The following FUCA2 variants were observed in gnomAD, a reference collection of about 807,000 sequenced individuals.
The protein encoded by FUCA2 is plasma alpha-L-fucosidase.
Under a neutral mutation model 52.6 loss-of-function variants are expected in FUCA2, and 41 were observed. That is an observed-to-expected ratio of 0.78 (90% CI 0.61 to 1.01). FUCA2 has a LOEUF of 1.01. FUCA2 is among the 50% of genes least tolerant of loss of function. The pLI is 0.00. For missense variants in FUCA2, 507 were observed against 569.5 expected (o/e 0.89, Z 1.12); for synonymous variants, 211 against 217.3 (o/e 0.97, Z 0.26).
Position 143,507,622 on chromosome 6 carries a change from GAT to G in FUCA2, c.225-200_225-199del, listed in dbSNP as rs1452569804. The stretch of plus-strand genomic sequence containing the variant: ...TCTCATTTTCCACCTATCCCCCTGT[GAT>G]ATCCACTCAGCTCATAAACTAGAGC... On this transcript the variant is annotated intron_variant, in intron 1 of 6. Transcript: ENST00000002165. This position sits in a 1 kb window ranked among gnomAD's most constrained non-coding sequence, Gnocchi z 4.5. Among the ~76,000 whole-genome samples the G allele has an allele frequency of 1.3e-5, 2 of 151,684 alleles. No individual in the cohort carries two copies. The highest frequency in any genetic ancestry group is 4.8e-5 in the African/African-American group (2 of 41,250).
Position 143,511,439 on chromosome 6 carries a change from C to G in FUCA2, c.196G>C (p.Val66Leu), listed in dbSNP as rs1417834533. The G allele has an allele frequency of 1.2e-6, 2 of 1,611,794 alleles. No individual in the cohort carries two copies. The highest frequency in any genetic ancestry group is 1.7e-6 in the Non-Finnish European group (2 of 1,178,912). ...AACCACTCGCTACCGAAGCTGGGCACGGAAAACACTCCCCAGTGGATGAAG... is the reference window on the plus strand; with the variant it reads ...AACCACTCGCTACCGAAGCTGGGCAGGGAAAACACTCCCCAGTGGATGAAG... Reference protein sequence around the residue: ...GIFIHWGVFSVPSFGSEWFWW... With the variant: ...GIFIHWGVFSLPSFGSEWFWW... Residue 66 changes from valine (V) to leucine (L), a missense_variant, in exon 1 of 7, where the codon GTG becomes CTG. Coordinates refer to ENST00000002165, the MANE Select transcript of FUCA2 (RefSeq NM_032020.5). This position sits in a 1 kb window ranked among gnomAD's most constrained non-coding sequence, Gnocchi z 6.3.
Position 143,503,947 on chromosome 6 carries a change from T to C in FUCA2, c.718A>G (p.Ser240Gly), listed in dbSNP as rs749761750. 1 of 1,613,986 alleles carries C rather than the reference T, an allele frequency of 6.2e-7. No individual in the cohort carries two copies. Among genetic ancestry groups the C allele is most frequent in the African/African-American group, 1.3e-5 (1 of 74,920 alleles). ...DGGAPDQYWN[S>G]TGFLAWLYNE... is the part of the protein sequence containing the mutation. ...TATAACCAGGCCAAGAAGCCTGTGC[T>C]GTTCCAGTATTGATCCGGTGCTCCT... Residue 240 changes from serine (S) to glycine (G), a missense_variant, in exon 3 of 7, where the codon AGC (serine) becomes GGC (glycine). Coordinates refer to ENST00000002165, the MANE Select transcript of FUCA2 (RefSeq NM_032020.5). This position sits in a 1 kb window ranked among gnomAD's most constrained non-coding sequence, Gnocchi z 4.8.
rs559192941 is a variant in FUCA2, at chr6:143,510,288, G to A, written c.224+1123C>T. On this transcript the variant is annotated intron_variant, in intron 1 of 6. Transcript: ENST00000002165. The surrounding 1 kb of genome is among the most constrained non-coding windows in gnomAD (Gnocchi z 4.4). ...TCTACTAAATATAGTATGTTAATTTGGATGTATACTATTTATGTAGTATAT... is the reference window on the plus strand; with the variant it reads ...TCTACTAAATATAGTATGTTAATTTAGATGTATACTATTTATGTAGTATAT... Among the ~76,000 whole-genome samples the A allele has an allele frequency of 3.9e-5, 6 of 152,084 alleles. No individual in the cohort carries two copies. Among genetic ancestry groups the A allele is most frequent in the African/African-American group, 1.2e-4 (5 of 41,494 alleles).
At position 143,504,245 on chromosome 6, in the gene FUCA2, G is replaced by A; in HGVS notation, c.420C>T (p.Thr140=). The change falls in exon 3 of 7, where the codon ACC becomes ACT. Residue 140 remains threonine (T), a synonymous_variant. Transcript: ENST00000002165. This position sits in a 1 kb window ranked among gnomAD's most constrained non-coding sequence, Gnocchi z 4.4. ...TCCACGAATATTCTGACCCCCACAA[G>A]GTAAAGCCTAGAAAATTATAGTGAA... ...VLTSKHHEGF[T]LWGSEYSWNW... 6.2e-7 allele frequency: 1 copy of A among 1,607,298 alleles called. No individual in the cohort carries two copies. The highest frequency in any genetic ancestry group is 8.5e-7 in the Non-Finnish European group (1 of 1,177,462).
Position 143,502,354 on chromosome 6 carries a change from C to A in FUCA2, c.963+1G>T. The A allele has an allele frequency of 6.2e-7, 1 of 1,613,138 alleles. No individual in the cohort carries two copies. The highest frequency in any genetic ancestry group is 8.5e-7 in the Non-Finnish European group (1 of 1,179,346). ...AATAGCCACCAGACATTTCACTGTACCTTCACCAATTCTTCAATTGTAAGA... is the reference window on the plus strand; with the variant it reads ...AATAGCCACCAGACATTTCACTGTAACTTCACCAATTCTTCAATTGTAAGA... On this transcript the variant is annotated splice_donor_variant, in intron 4 of 6. Coordinates refer to ENST00000002165, the MANE Select transcript of FUCA2 (RefSeq NM_032020.5). LOFTEE classifies it high-confidence loss of function. This position sits in a 1 kb window ranked among gnomAD's most constrained non-coding sequence, Gnocchi z 4.1.
rs1293982681 is a variant in FUCA2, at chr6:143,505,211, A to G, written c.413-959T>C. The G allele has an allele frequency of 3.9e-5, 6 of 152,188 alleles. No homozygotes were observed. In the East Asian group the frequency reaches 1.2e-3, roughly 29 times the overall value. 9.4% of individuals were successfully genotyped at this position (152,188 alleles called of 1,614,324 possible). A position where few individuals can be genotyped will look rare whatever the true frequency, so the allele number is the denominator to read the frequency against. On this transcript the variant is annotated intron_variant, in intron 2 of 6. Coordinates refer to ENST00000002165, the MANE Select transcript of FUCA2 (RefSeq NM_032020.5). ...ATTGTTACTATTCCACTAAAATCTA[A>G]AAGAATCTTTGAGAATAGACATTTA...
rs561485013 is a variant in FUCA2 at position 143,505,306 on chromosome 6, G to A, written c.413-1054C>T. On this transcript the variant is annotated intron_variant, in intron 2 of 6. Coordinates refer to ENST00000002165, the MANE Select transcript of FUCA2 (RefSeq NM_032020.5). ...AAGTCTAAGAATGACTCATACTTTC[G>A]ATTTTTTTTTTTTTTTTTTTTTTTT... is the stretch of plus-strand genomic sequence containing the variant. The A allele has an allele frequency of 7.7e-5, 10 of 129,924 alleles. No homozygotes were observed. The East Asian group carries it at 1.5e-3, about 19-fold the overall frequency. 8.0% of individuals were successfully genotyped at this position (129,924 alleles called of 1,614,324 possible).
rs1467073504 is a variant in FUCA2 at position 143,511,516 on chromosome 6, G to A, written c.119C>T (p.Ser40Phe). 3 of 1,594,270 alleles carry A rather than the reference G, an allele frequency of 1.9e-6. No individual in the cohort carries two copies. Among genetic ancestry groups the A allele is most frequent in the Non-Finnish European group, 1.7e-6 (2 of 1,170,820 alleles). The change falls in exon 1 of 7, where the codon TCC (serine) becomes TTC (phenylalanine). Residue 40 changes from serine (S) to phenylalanine (F), a missense_variant. Transcript: ENST00000002165. This position sits in a 1 kb window ranked among gnomAD's most constrained non-coding sequence, Gnocchi z 6.3. The stretch of plus-strand genomic sequence containing the variant: ...CGCGGGCAGCTGGCGGGCGTCCAGG[G>A]ACTCCCAGGTGGGGTCGAAGCGCGT... Reference protein sequence around the residue: ...SATRFDPTWESLDARQLPAWF... With the variant: ...SATRFDPTWEFLDARQLPAWF...
In FUCA2 at chr6:143,502,915, T is replaced by C. The variant is rs1780550204; in HGVS notation, c.753-350A>G. 1 of 175,350 alleles carries C rather than the reference T, an allele frequency of 5.7e-6. No individual in the cohort carries two copies. Among genetic ancestry groups the C allele is most frequent in the African/African-American group, 2.4e-5 (1 of 42,054 alleles). 10.9% of individuals were successfully genotyped at this position (175,350 alleles called of 1,614,324 possible). On this transcript the variant is annotated intron_variant, in intron 3 of 6. Transcript: ENST00000002165. The surrounding 1 kb of genome is among the most constrained non-coding windows in gnomAD (Gnocchi z 4.1). ...ATATTTTAAGCTCCCTTCCATATTGTAAATGGTAGCCAAAACTGAATTTAT... is the reference window on the plus strand; with the variant it reads ...ATATTTTAAGCTCCCTTCCATATTGCAAATGGTAGCCAAAACTGAATTTAT...
Position 143,501,834 on chromosome 6 carries a change from C to A in FUCA2, c.1154+98G>T. 1 of 1,057,708 alleles carries A rather than the reference C, an allele frequency of 9.5e-7. No homozygotes were observed. The highest frequency in any genetic ancestry group is 2.4e-5 in the East Asian group (1 of 41,340). 65.5% of individuals were successfully genotyped at this position (1,057,708 alleles called of 1,614,324 possible). Reference sequence around the variant, plus strand: ...AAAGTGCTTTGTATATGTAGGAATTCATCCAATTTCTCTTTTTATCCTACT... The same window carrying A: ...AAAGTGCTTTGTATATGTAGGAATTAATCCAATTTCTCTTTTTATCCTACT... On this transcript the variant is annotated intron_variant, in intron 5 of 6. Transcript: ENST00000002165. The surrounding 1 kb of genome is among the most constrained non-coding windows in gnomAD (Gnocchi z 6.1).
chr6:143,502,394 A>C lies in FUCA2; in HGVS notation c.924T>G (p.Ala308=), dbSNP rs1234664088. ...CAATTGTAAGATAGTCAGAGATTCC[A>C]GCTTCCCTCCTATAGCCCCAGGACA... The part of the protein sequence containing the change: ...DKLSWGYRRE[A]GISDYLTIEE... The change falls in exon 4 of 7, where the codon GCT becomes GCG. Residue 308 remains alanine, a synonymous_variant. Transcript: ENST00000002165. The surrounding 1 kb of genome is among the most constrained non-coding windows in gnomAD (Gnocchi z 4.1). The C allele has an allele frequency of 1.2e-6, 2 of 1,614,056 alleles. No individual in the cohort carries two copies. The highest frequency in any genetic ancestry group is 2.7e-5 in the African/African-American group (2 of 75,036).
rs1451639999 is a variant in FUCA2 at position 143,495,759 on chromosome 6, T to C, written c.1352A>G (p.His451Arg). 6.2e-7 allele frequency: 1 copy of C among 1,614,138 alleles called. No homozygotes were observed. The highest frequency in any genetic ancestry group is 8.5e-7 in the Non-Finnish European group (1 of 1,179,986). Residue 451 changes from histidine to arginine, a missense_variant, in exon 7 of 7, where the codon CAT (histidine) becomes CGT (arginine). Transcript: ENST00000002165. The surrounding 1 kb of genome is among the most constrained non-coding windows in gnomAD (Gnocchi z 5.2). Reference sequence around the variant, plus strand: ...CCAGCCCCATTTACACGGCATCTGATGAATGGTTAGCTGTGGCAGTTCTAC... The same window carrying C: ...CCAGCCCCATTTACACGGCATCTGACGAATGGTTAGCTGTGGCAGTTCTAC... The part of the protein sequence containing the change: ...IMVELPQLTI[H>R]QMPCKWGWAL...
Position 143,502,494 on chromosome 6 carries a change from T to G in FUCA2, c.824A>C (p.Tyr275Ser), listed in dbSNP as rs1179723436. Residue 275 changes from tyrosine to serine, a missense_variant, in exon 4 of 7, where the codon TAT becomes TCT. Physicochemically the swap from Tyr to Ser is moderately radical, Grantham distance 144 (BLOSUM62 -2). Transcript: ENST00000002165. The surrounding 1 kb of genome is among the most constrained non-coding windows in gnomAD (Gnocchi z 4.1). ...TGGGTTATAACGATCACTGCAGGTA[T>G]AGAAGCCACCATGCTTACAGATGCT... is the stretch of plus-strand genomic sequence containing the variant. ...AGSICKHGGF[Y>S]TCSDRYNPGH... 6.2e-7 allele frequency: 1 copy of G among 1,614,002 alleles called. No individual in the cohort carries two copies. The highest frequency in any genetic ancestry group is 1.3e-5 in the African/African-American group (1 of 74,932).
At position 143,507,834 on chromosome 6, in the gene FUCA2, T is replaced by G. The variant is rs1186395277; in HGVS notation, c.225-410A>C. 6.6e-6 allele frequency among the ~76,000 whole-genome samples: 1 copy of G among 150,658 alleles called. No homozygotes were observed. ...ACAGGCACGTGCCACCACACCTGGC[T>G]ATTTTTTTTTTCTTTGTAGAGATGT... is the stretch of plus-strand genomic sequence containing the variant. On this transcript the variant is annotated intron_variant, in intron 1 of 6. Coordinates refer to ENST00000002165, the MANE Select transcript of FUCA2 (RefSeq NM_032020.5). This position sits in a 1 kb window ranked among gnomAD's most constrained non-coding sequence, Gnocchi z 4.5.
At chr6:143,498,222 C>T (rs1477964508) in intron 5 of FUCA2, among the ~76,000 whole-genome samples, 1 of 151,822 alleles carries the variant, frequency 6.6e-6, no homozygotes, top group Non-Finnish European at 1.5e-5. Flanking sequence ...TCAAGAAATA[C>T]TTATTGAAAT....
chr6:143,504,504 C>A lies in FUCA2; in HGVS notation c.413-252G>T. 4.7e-6 allele frequency: 2 copies of A among 421,096 alleles called. No individual in the cohort carries two copies. The highest frequency in any genetic ancestry group is 6.9e-5 in the South Asian group (2 of 29,014). 26.1% of individuals were successfully genotyped at this position (421,096 alleles called of 1,614,324 possible). On this transcript the variant is annotated intron_variant, in intron 2 of 6. Coordinates refer to ENST00000002165, the MANE Select transcript of FUCA2 (RefSeq NM_032020.5). This position sits in a 1 kb window ranked among gnomAD's most constrained non-coding sequence, Gnocchi z 4.4. ...TATCACTGTACGGTCTGATCTATCT[C>A]CAGTATTTTCCCTCTTAGATTTTAA... is the stretch of plus-strand genomic sequence containing the variant.
chr6:143,499,715 C>T lies in FUCA2; in HGVS notation c.1154+2217G>A, dbSNP rs1363010059. ...TGCCAGTAAGTTAAGAAAATGAGCA[C>T]TGGGGACTCATCACTGGAACTGGCA... On this transcript the variant is annotated intron_variant, in intron 5 of 6. Coordinates refer to ENST00000002165, the MANE Select transcript of FUCA2 (RefSeq NM_032020.5). This position sits in a 1 kb window ranked among gnomAD's most constrained non-coding sequence, Gnocchi z 6.0. Among the ~76,000 whole-genome samples the T allele has an allele frequency of 6.6e-6, 1 of 152,136 alleles. No homozygotes were observed.
In FUCA2 at chr6:143,495,242, C is replaced by T. The variant is rs1305829527; in HGVS notation, c.*465G>A. ...TAGGAGCAACAGTCTATACCATACA[C>T]ATTAGGTGTGTAGTAGGCTATGCCA... On this transcript the variant is annotated 3_prime_UTR_variant, in exon 7 of 7. Coordinates refer to ENST00000002165, the MANE Select transcript of FUCA2 (RefSeq NM_032020.5). The surrounding 1 kb of genome is among the most constrained non-coding windows in gnomAD (Gnocchi z 5.2). 6.3e-6 allele frequency: 1 copy of T among 158,628 alleles called. No individual in the cohort carries two copies. Among genetic ancestry groups the T allele is most frequent in the Admixed American group, 6.0e-5 (1 of 16,626 alleles). The allele number at this position is 158,628 out of a possible 1,614,324, so 9.8% of individuals were successfully genotyped here.
rs1780650847 is a variant in FUCA2 at position 143,509,104 on chromosome 6, T to C, written c.225-1680A>G. Among the ~76,000 whole-genome samples, 1 of 152,184 alleles carries C rather than the reference T, an allele frequency of 6.6e-6. No homozygotes were observed. The highest frequency in any genetic ancestry group is 2.4e-5 in the African/African-American group (1 of 41,444). Reference sequence around the variant, plus strand: ...GAAAGTTGAACAAGAATAAGGAATTTCTCCTAGCATCATCTAATTTGAACC... The same window carrying C: ...GAAAGTTGAACAAGAATAAGGAATTCCTCCTAGCATCATCTAATTTGAACC... On this transcript the variant is annotated intron_variant, in intron 1 of 6. Coordinates refer to ENST00000002165, the MANE Select transcript of FUCA2 (RefSeq NM_032020.5). This position sits in a 1 kb window ranked among gnomAD's most constrained non-coding sequence, Gnocchi z 5.4.
Sources: gnomAD v4.1 joint callset for allele counts (sites outside exome capture counted in the v4.1 genomes callset) on GRCh38, gnomAD v4.1.1 for gene constraint, Gnocchi (gnomAD v3.1) non-coding constraint, MANE v1.5 for transcripts, NCBI Gene and HGNC (gene_info 2026-07-23, HGNC 2026-07-21) for gene names.